ARHGEF3: variants seen among roughly 807,000 people sequenced by gnomAD.
ARHGEF3 encodes Rho guanine nucleotide exchange factor 3.
Under a neutral mutation model 63.2 loss-of-function variants are expected in ARHGEF3, and 28 were observed. The ratio of observed to expected loss-of-function variants is 0.44; its 90% CI spans 0.33 to 0.61. The LOEUF is 0.61. Among genes scored for constraint, ARHGEF3 ranks in the 20% least tolerant of loss-of-function variants. The pLI, the probability that ARHGEF3 is intolerant of heterozygous loss-of-function variation, is 0.03. For missense variants in ARHGEF3, 533 were observed against 659.3 expected (o/e 0.81, Z 2.10); for synonymous variants, 266 against 254.2 (o/e 1.05, Z -0.44).
intron 2 of ARHGEF3, among the ~76,000 whole-genome samples, chr3:57,009,200 T>G (rs1702584484): frequency 6.6e-6 from 1 of 152,208 alleles, no homozygotes; most frequent in Non-Finnish European, 1.5e-5. Context: ...TTGCTTAAAC[T>G]TTTTCACTTT....
chr3:56,904,359 T>C (rs1481923318), intron 3 of ARHGEF3, among the ~76,000 whole-genome samples: 1 of 152,008 alleles, frequency 6.6e-6, no homozygotes. Context: ...AGAGATGGAG[T>C]CTCGCTATGT....
At chr3:57,024,374 C>T (rs900991188) in intron 2 of ARHGEF3, among the ~76,000 whole-genome samples, 1 of 150,144 alleles carries the variant, frequency 6.7e-6, no homozygotes, top group Non-Finnish European at 1.5e-5. Context: ...CAATAGCAAA[C>T]AGATTCAATT....
chr3:57,037,291 C>G (rs886622335), intron 1 of ARHGEF3, among the ~76,000 whole-genome samples: 4 of 152,278 alleles, frequency 2.6e-5, no homozygotes, highest in East Asian at 3.9e-4. Flanking sequence ...TAGCCCATAC[C>G]TGGGTCACTT....
At chr3:56,968,569 TC>T (rs1263379443) in intron 2 of ARHGEF3, among the ~76,000 whole-genome samples, 2 of 148,916 alleles carry the variant, frequency 1.3e-5, no homozygotes, top group Non-Finnish European at 3.0e-5. Context: ...GCTCAAGCAA[TC>T]CTCCTGCCTC....
At chr3:56,832,563 A>G (rs2038966428) in intron 4 of ARHGEF3, among the ~76,000 whole-genome samples, 1 of 152,240 alleles carries the variant, frequency 6.6e-6, no homozygotes, top group African/African-American at 2.4e-5. Context: ...ATATCCTACC[A>G]GTCCATTTCA....
chr3:56,740,814 G>A lies in ARHGEF3; in HGVS notation c.871-3459C>T, dbSNP rs569265507. Among the ~76,000 whole-genome samples, 7 of 152,248 alleles carry A rather than the reference G, an allele frequency of 4.6e-5. No individual in the cohort carries two copies. In the South Asian group the frequency reaches 6.2e-4, roughly 14 times the overall value. On this transcript the variant is annotated intron_variant, in intron 7 of 9. Coordinates refer to ENST00000296315, the MANE Select transcript of ARHGEF3 (RefSeq NM_019555.3). ...ACCTGGACAGCCGGAATTAATCAGC[G>A]CTTGAGTCAATTTTCTGAGTTGCCT... is the stretch of plus-strand genomic sequence containing the variant.
At chr3:56,806,221 G>A (rs919492520), upstream of ARHGEF3, among the ~76,000 whole-genome samples, 1 of 152,186 alleles carries the variant, frequency 6.6e-6, no homozygotes, top group Non-Finnish European at 1.5e-5. Flanking sequence ...GACACTATCT[G>A]GGGGTGTCCG....
In ARHGEF3 at chr3:57,058,590, C is replaced by T. The variant is rs576585705; in HGVS notation, c.-28+20636G>A. 3.3e-5 allele frequency among the ~76,000 whole-genome samples: 5 copies of T among 152,212 alleles called. No homozygotes were observed. The South Asian group carries it at 8.3e-4, about 25-fold the overall frequency. On this transcript the variant is annotated intron_variant, in intron 1 of 12. Coordinates refer to the ARHGEF3 transcript ENST00000338458. Reference sequence around the variant, plus strand: ...CATTGTGGAAGTCGGTGTAGCGATTCCTCAGGGATCTAGAACTAGAAATAC... The same window carrying T: ...CATTGTGGAAGTCGGTGTAGCGATTTCTCAGGGATCTAGAACTAGAAATAC...
At chr3:57,045,578 C>T (rs1328275755) in intron 1 of ARHGEF3, among the ~76,000 whole-genome samples, 1 of 152,304 alleles carries the variant, frequency 6.6e-6, no homozygotes, top group East Asian at 1.9e-4. Flanking sequence ...TGCCAGACAC[C>T]CTGCTGAGGG....
chr3:56,933,897 A>G (rs938113994), intron 3 of ARHGEF3, among the ~76,000 whole-genome samples: 3 of 152,164 alleles, frequency 2.0e-5, no homozygotes, highest in African/African-American at 7.2e-5. Flanking sequence ...AGTTTCCCCA[A>G]TGCTATTCTC....
intron 3 of ARHGEF3, among the ~76,000 whole-genome samples, chr3:56,925,085 G>A (rs2042242560): frequency 6.6e-6 from 1 of 152,260 alleles, no homozygotes; most frequent in African/African-American, 2.4e-5. Context: ...ATGAGAACAT[G>A]AGCAGGCTCA....
intron 4 of ARHGEF3, among the ~76,000 whole-genome samples, chr3:56,849,762 G>A (rs2039611681): frequency 6.6e-6 from 1 of 152,078 alleles, no homozygotes; most frequent in Admixed American, 6.5e-5. Context: ...GTGGAAAAGT[G>A]TCTCTGAAAA....
At chr3:56,968,062 ATATATATAATATAT>A (rs1700680752) in intron 2 of ARHGEF3, among the ~76,000 whole-genome samples, 1 of 12,780 alleles carries the variant, frequency 7.8e-5, no homozygotes, top group Non-Finnish European at 1.4e-4. Context: ...AATATATATA[ATATATATAATATAT>A]TATATATTTA....
At chr3:56,941,294 G>A (rs1158117602) in intron 3 of ARHGEF3, among the ~76,000 whole-genome samples, 2 of 152,170 alleles carry the variant, frequency 1.3e-5, no homozygotes, top group Non-Finnish European at 1.5e-5. Context: ...TGCAACCTCC[G>A]CCTCCTGGGT....
intron 1 of ARHGEF3, among the ~76,000 whole-genome samples, chr3:56,795,014 A>G (rs1405913047): frequency 1.4e-5 from 2 of 138,628 alleles, no homozygotes; most frequent in African/African-American, 5.3e-5. Flanking sequence ...GTGTGTTACC[A>G]CGCTTGGTGA....
chr3:56,881,725 G>A (rs1248508134), intron 4 of ARHGEF3, among the ~76,000 whole-genome samples: 2 of 151,336 alleles, frequency 1.3e-5, no homozygotes, highest in Non-Finnish European at 2.9e-5. Context: ...CACTTTTATT[G>A]TTTTATTTGA....
At chr3:56,912,024 T>C (rs1447293090) in intron 3 of ARHGEF3, among the ~76,000 whole-genome samples, 1 of 151,922 alleles carries the variant, frequency 6.6e-6, no homozygotes, top group African/African-American at 2.4e-5. Context: ...CAGAATAAAG[T>C]AGCTAGTCAG....
chr3:56,871,729 CTGAG>C (rs538251036), intron 4 of ARHGEF3, among the ~76,000 whole-genome samples: 14 of 152,146 alleles, frequency 9.2e-5, no homozygotes, highest in South Asian at 2.1e-4. Context: ...TCATAACAGA[CTGAG>C]TGTCTTAAGC....
At chr3:56,793,485 T>C (rs1304248527) in intron 1 of ARHGEF3, among the ~76,000 whole-genome samples, 1 of 152,102 alleles carries the variant, frequency 6.6e-6, no homozygotes, top group Non-Finnish European at 1.5e-5. Flanking sequence ...GTATTTTTAG[T>C]AGAGACTGGG....
Sources: gnomAD v4.1 joint callset for allele counts (sites outside exome capture counted in the v4.1 genomes callset) on GRCh38, gnomAD v4.1.1 for gene constraint, MANE v1.5 for transcripts, NCBI Gene and HGNC (gene_info 2026-07-23, HGNC 2026-07-21) for gene names.